RIPOR1: variants seen among roughly 807,000 people sequenced by gnomAD.
RIPOR1 encodes the protein rho family-interacting cell polarization regulator 1.
RIPOR1 carries 58 observed loss-of-function variants against 116.5 expected under a neutral mutation model. The observed-to-expected ratio is 0.50, with a 90% CI of 0.40 to 0.62. The LOEUF (loss-of-function observed/expected upper bound fraction) is 0.62. RIPOR1 is among the 20% of genes least tolerant of loss of function. RIPOR1 has a pLI of 0.00. For missense variants in RIPOR1, 1,372 were observed against 1,586.2 expected, an observed-to-expected ratio of 0.86 and a Z score of 2.29; for synonymous variants, 605 against 650.0, an observed-to-expected ratio of 0.93 and a Z score of 1.05.
rs1210978 is a variant in RIPOR1 at position 67,544,493 on chromosome 16, C to T, written c.2733+62C>T. 0.031 allele frequency: 47,989 copies of T among 1,565,314 alleles called. 893 individuals carry two copies. The highest frequency in any genetic ancestry group is 0.037 in the Non-Finnish European group (43,047 of 1,155,444). ...ACCCCTAACCCCAGGGAGTCCTGCC[C>T]TTCCATCCTGGTCCTCTATACCTCC... is the stretch of plus-strand genomic sequence containing the variant. On this transcript the variant is annotated intron_variant, in intron 15 of 21. Coordinates refer to ENST00000042381, the MANE Select transcript of RIPOR1 (RefSeq NM_024519.4). This position sits in a 1 kb window ranked among gnomAD's most constrained non-coding sequence, Gnocchi z 5.1.
Position 67,541,832 on chromosome 16 carries a change from G to A in RIPOR1, c.1081-35G>A, listed in dbSNP as rs1283181047. On this transcript the variant is annotated intron_variant, in intron 12 of 21. Transcript: ENST00000042381. The surrounding 1 kb of genome is among the most constrained non-coding windows in gnomAD (Gnocchi z 4.6). Reference sequence around the variant, plus strand: ...CTCACCATCCCCCAGAGGCTCCCTGGGGGTGGTTCTGAAATGCCCTCTCCT... The same window carrying A: ...CTCACCATCCCCCAGAGGCTCCCTGAGGGTGGTTCTGAAATGCCCTCTCCT... The A allele has an allele frequency of 1.9e-6, 3 of 1,613,060 alleles. No homozygotes were observed. In the East Asian group the frequency reaches 6.7e-5, roughly 36 times the overall value.
Position 67,543,490 on chromosome 16 carries a change from G to A in RIPOR1, c.2600+21G>A. On this transcript the variant is annotated intron_variant, in intron 14 of 21. Transcript: ENST00000042381. The surrounding 1 kb of genome is among the most constrained non-coding windows in gnomAD (Gnocchi z 4.7). Reference sequence around the variant, plus strand: ...GACAGGTGAGGGGGCTAGGCAAGATGGGTGTGAGGCTAGGTGAGAGGGAAA... The same window carrying A: ...GACAGGTGAGGGGGCTAGGCAAGATAGGTGTGAGGCTAGGTGAGAGGGAAA... 1 of 1,547,578 alleles carries A rather than the reference G, an allele frequency of 6.5e-7. No individual in the cohort carries two copies. Among genetic ancestry groups the A allele is most frequent in the Non-Finnish European group, 8.7e-7 (1 of 1,146,968 alleles).
intron 1 of RIPOR1, among the ~76,000 whole-genome samples, chr16:67,521,103 G>A (rs1157062100): frequency 6.6e-6 from 1 of 152,190 alleles, no homozygotes; most frequent in Non-Finnish European, 1.5e-5. Flanking sequence ...AGGTCTGAGT[G>A]TCAGCAGAGC....
Position 67,538,436 on chromosome 16 carries a change from G to A in RIPOR1, c.-11G>A, listed in dbSNP as rs778812178. The A allele has an allele frequency of 1.3e-6, 2 of 1,593,454 alleles. No homozygotes were observed. The highest frequency in any genetic ancestry group is 1.1e-5 in the South Asian group (1 of 88,748). On this transcript the variant is annotated 5_prime_UTR_variant, in exon 2 of 22. Coordinates refer to ENST00000042381, the MANE Select transcript of RIPOR1 (RefSeq NM_024519.4). ...CGATCACCCGCAGGGAGCCCCGCGCGGACTCACTCTATGATGTCCCTGTCG... is the reference window on the plus strand; with the variant it reads ...CGATCACCCGCAGGGAGCCCCGCGCAGACTCACTCTATGATGTCCCTGTCG...
chr16:67,532,731 T>C (rs1597623534), intron 1 of RIPOR1, among the ~76,000 whole-genome samples: 1 of 151,116 alleles, frequency 6.6e-6, no homozygotes, highest in African/African-American at 2.5e-5. Context: ...GTGGAGCTAA[T>C]AGGACTTACC....
At chr16:67,522,777 A>C in intron 1 of RIPOR1, among the ~76,000 whole-genome samples, 1 of 150,618 alleles carries the variant, frequency 6.6e-6, no homozygotes, top group Non-Finnish European at 1.5e-5. Flanking sequence ...CCACTAGCTC[A>C]TTCTCACCTC....
chr16:67,541,884 G>A lies in RIPOR1; in HGVS notation c.1098G>A (p.Gln366=). 1 of 1,609,108 alleles carries A rather than the reference G, an allele frequency of 6.2e-7. No individual in the cohort carries two copies. The highest frequency in any genetic ancestry group is 1.3e-5 in the African/African-American group (1 of 74,890). Residue 366 remains glutamine (Q), a synonymous_variant, in exon 13 of 22, where the codon CAG becomes CAA. Transcript: ENST00000042381. This position sits in a 1 kb window ranked among gnomAD's most constrained non-coding sequence, Gnocchi z 4.6. ...TTTCTCAGAACATGCTGCGACGGCAGGAGGAGCTGGAGAATGGGACAGCAT... is the reference window on the plus strand; with the variant it reads ...TTTCTCAGAACATGCTGCGACGGCAAGAGGAGCTGGAGAATGGGACAGCAT... ...EQAFYNMLRR[Q]EELENGTAWS...
chr16:67,534,237 C>T (rs2050736730), intron 1 of RIPOR1, among the ~76,000 whole-genome samples: 1 of 151,826 alleles, frequency 6.6e-6, no homozygotes, highest in Admixed American at 6.6e-5. Context: ...TCTCATGCCT[C>T]AGCCTCCCGA....
At chr16:67,527,149 C>A (rs1195366379), upstream of RIPOR1, among the ~76,000 whole-genome samples, 1 of 152,168 alleles carries the variant, frequency 6.6e-6, no homozygotes, top group East Asian at 1.9e-4. Context: ...CACTGACCGG[C>A]CCAGTGGCTC....
intron 1 of RIPOR1, among the ~76,000 whole-genome samples, chr16:67,521,637 C>T (rs2050495754): frequency 6.6e-6 from 1 of 152,128 alleles, no homozygotes; most frequent in Non-Finnish European, 1.5e-5. Flanking sequence ...CCACCCCTTG[C>T]CCAAACCAGC....
intron 1 of RIPOR1, among the ~76,000 whole-genome samples, chr16:67,536,181 C>T (rs1483491532): frequency 1.3e-5 from 2 of 152,192 alleles, no homozygotes; most frequent in African/African-American, 4.8e-5. Flanking sequence ...GGCGCGGTGG[C>T]TCATGCCTGT....
chr16:67,536,096 C>T (rs2050787131), intron 1 of RIPOR1, among the ~76,000 whole-genome samples: 1 of 152,042 alleles, frequency 6.6e-6, no homozygotes, highest in South Asian at 2.1e-4. Context: ...CCTCCAAGGT[C>T]AAGGGAGGGA....
rs559378713 is a variant in RIPOR1 at position 67,544,399 on chromosome 16, C to A, written c.2701C>A (p.Arg901=). ...GCPALDAALV[R]HLYHCSRLLL... ...TCCAGCTCTGGATGCTGCCTTGGTC[C>A]GGCACCTGTACCACTGCAGTCGCCT... The change falls in exon 15 of 22, where the codon CGG becomes AGG. Residue 901 remains arginine, a synonymous_variant. Transcript: ENST00000042381. The surrounding 1 kb of genome is among the most constrained non-coding windows in gnomAD (Gnocchi z 5.1). 3.7e-6 allele frequency: 6 copies of A among 1,612,614 alleles called. No individual in the cohort carries two copies. The East Asian group carries it at 1.3e-4, about 36-fold the overall frequency.
chr16:67,541,377 T>G lies in RIPOR1; in HGVS notation c.802-53T>G. 3 of 1,565,132 alleles carry G rather than the reference T, an allele frequency of 1.9e-6. No homozygotes were observed. The highest frequency in any genetic ancestry group is 2.6e-6 in the Non-Finnish European group (3 of 1,153,222). ...GCAAATTCAGACCTCAGATTTCCCA[T>G]GATCTCATAGCCCCTGCACCCTTGT... is the stretch of plus-strand genomic sequence containing the variant. On this transcript the variant is annotated intron_variant, in intron 10 of 21. Transcript: ENST00000042381. The surrounding 1 kb of genome is among the most constrained non-coding windows in gnomAD (Gnocchi z 4.6).
chr16:67,519,919 G>A (rs549052510), intron 1 of RIPOR1, among the ~76,000 whole-genome samples: 13 of 151,614 alleles, frequency 8.6e-5, no homozygotes, highest in East Asian at 1.9e-4. Flanking sequence ...AAAATTAGCC[G>A]GGTGTGGTGG....
chr16:67,541,276 C>T lies in RIPOR1; in HGVS notation c.802-154C>T. 1 of 706,760 alleles carries T rather than the reference C, an allele frequency of 1.4e-6. No individual in the cohort carries two copies. The highest frequency in any genetic ancestry group is 2.3e-6 in the Non-Finnish European group (1 of 440,984). The allele number at this position is 706,760 out of a possible 1,614,324, so 43.8% of individuals were successfully genotyped here. ...TTTGAGACAGAGTCTTGCCATGTTG[C>T]CCAAGCTGGTCTTGAACTCCTGGCC... On this transcript the variant is annotated intron_variant, in intron 10 of 21. Coordinates refer to ENST00000042381, the MANE Select transcript of RIPOR1 (RefSeq NM_024519.4). The surrounding 1 kb of genome is among the most constrained non-coding windows in gnomAD (Gnocchi z 4.6).
At chr16:67,525,306 T>C (rs1306084445), upstream of RIPOR1, among the ~76,000 whole-genome samples, 5 of 152,114 alleles carry the variant, frequency 3.3e-5, no homozygotes, top group South Asian at 6.2e-4. Context: ...GTGAGCCCTG[T>C]GGGAAGGAAC....
chr16:67,522,530 T>C (rs561498804), intron 1 of RIPOR1, among the ~76,000 whole-genome samples: 9 of 150,482 alleles, frequency 6.0e-5, no homozygotes, highest in Non-Finnish European at 8.9e-5. Flanking sequence ...AGAGACGGGG[T>C]TTCACCATAT....
chr16:67,523,749 C>T (rs2050517348), intron 1 of RIPOR1, among the ~76,000 whole-genome samples: 3 of 151,364 alleles, frequency 2.0e-5, no homozygotes, highest in Admixed American at 1.3e-4. Context: ...GGCACAATCA[C>T]GGCTCACTGC....
Sources: gnomAD v4.1 joint callset for allele counts (sites outside exome capture counted in the v4.1 genomes callset) on GRCh38, gnomAD v4.1.1 for gene constraint, Gnocchi (gnomAD v3.1) non-coding constraint, MANE v1.5 for transcripts, NCBI Gene and HGNC (gene_info 2026-07-23, HGNC 2026-07-21) for gene names.